EBF1: variants seen among roughly 807,000 people sequenced by gnomAD.
EBF1 encodes the protein EBF transcription factor 1, also known as transcription factor COE1.
A neutral mutation model predicts 68.4 loss-of-function variants in EBF1; 10 were observed. The observed-to-expected ratio is 0.15, with a 90% confidence interval of 0.09 to 0.25. EBF1 has a LOEUF of 0.25. Ranked by LOEUF, EBF1 falls within the 10% of genes least tolerant of loss-of-function variation. The probability of loss-of-function intolerance (pLI) is 1.00; values close to 1 mark genes in which losing one functional copy is unlikely to be tolerated. For missense variants in EBF1, 509 were observed against 794.4 expected, an observed-to-expected ratio of 0.64 and a Z score of 4.32; for synonymous variants, 298 against 299.8, an observed-to-expected ratio of 0.99 and a Z score of 0.06.
chr5:159,035,295 G>GAACATTGGTAAA (rs1769806430), intron 6 of EBF1, among the ~76,000 whole-genome samples: 1 of 151,848 alleles, frequency 6.6e-6, no homozygotes, highest in African/African-American at 2.4e-5. Flanking sequence ...CTGCTAAATG[G>GAACATTGGTAAA]AACATTGGTA....
chr5:159,073,688 G>C (rs889575814), intron 5 of EBF1: 2 of 534,590 alleles, frequency 3.7e-6, no homozygotes, highest in Non-Finnish European at 6.7e-6. Flanking sequence ...GGGGAGAGGG[G>C]CTCTCCCAGA....
intron 9 of EBF1, among the ~76,000 whole-genome samples, chr5:158,780,264 C>A (rs545423573): frequency 2.6e-5 from 4 of 152,264 alleles, no homozygotes; most frequent in African/African-American, 7.2e-5. Flanking sequence ...ATTGACCCAA[C>A]ATGCTAGAGG....
At chr5:158,879,660 T>C (rs1798466708) in intron 6 of EBF1, among the ~76,000 whole-genome samples, 1 of 152,134 alleles carries the variant, frequency 6.6e-6, no homozygotes, top group Non-Finnish European at 1.5e-5. Flanking sequence ...CATGTATACA[T>C]ATGTAAGAAA....
intron 8 of EBF1, among the ~76,000 whole-genome samples, chr5:158,806,831 T>TAC (rs1404062650): frequency 1.3e-5 from 2 of 152,290 alleles, no homozygotes; most frequent in Non-Finnish European, 1.5e-5. Context: ...CACACAACCC[T>TAC]ACTGTCTATC....
At chr5:159,002,182 A>G (rs1041965320) in intron 6 of EBF1, among the ~76,000 whole-genome samples, 4 of 142,854 alleles carry the variant, frequency 2.8e-5, no homozygotes, top group Admixed American at 2.1e-4. Context: ...TTCATTTTCC[A>G]TTTACTCTTC....
chr5:159,083,560 AC>A (rs1269306168), intron 5 of EBF1, among the ~76,000 whole-genome samples: 7 of 152,246 alleles, frequency 4.6e-5, no homozygotes, highest in Non-Finnish European at 5.9e-5. Flanking sequence ...TCCATACGTA[AC>A]TGTAGACATA....
At chr5:158,843,319 C>T (rs1790706544) in intron 6 of EBF1, among the ~76,000 whole-genome samples, 1 of 152,142 alleles carries the variant, frequency 6.6e-6, no homozygotes, top group Non-Finnish European at 1.5e-5. Context: ...CCATCTGGTG[C>T]CAAAATGAAT....
At position 158,748,686 on chromosome 5, in the gene EBF1, G is replaced by A. The variant is rs374233031; in HGVS notation, c.1037-17529C>T. On this transcript the variant is annotated intron_variant, in intron 10 of 15. Coordinates refer to ENST00000313708, the MANE Select transcript of EBF1 (RefSeq NM_024007.5). Reference sequence around the variant, plus strand: ...TGCTCATCTTCACAACCAAACGAGCGTTCTGGGACTGAGCAGTAAGAGCGT... The same window carrying A: ...TGCTCATCTTCACAACCAAACGAGCATTCTGGGACTGAGCAGTAAGAGCGT... 3.3e-4 allele frequency among the ~76,000 whole-genome samples: 51 copies of A among 152,268 alleles called. 1 individual carries two copies. The highest frequency in any genetic ancestry group is 1.1e-3 in the African/African-American group (44 of 41,562).
At chr5:158,826,738 T>C (rs1440913065) in intron 7 of EBF1, among the ~76,000 whole-genome samples, 1 of 152,204 alleles carries the variant, frequency 6.6e-6, no homozygotes, top group African/African-American at 2.4e-5. Context: ...GTTGAGAGTA[T>C]TCGTTATAAG....
At chr5:159,034,125 A>G (rs1769528338) in intron 6 of EBF1, among the ~76,000 whole-genome samples, 1 of 152,176 alleles carries the variant, frequency 6.6e-6, no homozygotes, top group Admixed American at 6.5e-5. Context: ...CTTCAAAGGG[A>G]TATTCAGCAT....
At chr5:158,850,311 T>G (rs562804844) in intron 6 of EBF1, among the ~76,000 whole-genome samples, 12 of 152,218 alleles carry the variant, frequency 7.9e-5, no homozygotes, top group Non-Finnish European at 1.6e-4. Context: ...TATCTATTTA[T>G]TCATTCAGTC....
Position 159,099,338 on chromosome 5 carries a change from T to C in EBF1, c.134+7A>G, listed in dbSNP as rs200773495. ...CACCTCGGCCGCGGTCCCCGCGCAG[T>C]ACCCACCTCTGCGCCGCCGTGTTGG... On this transcript the variant is annotated splice_region_variant and intron_variant, in intron 1 of 15. Coordinates refer to ENST00000313708, the MANE Select transcript of EBF1 (RefSeq NM_024007.5). The C allele has an allele frequency of 1.9e-6, 3 of 1,575,942 alleles. No homozygotes were observed. The highest frequency in any genetic ancestry group is 2.6e-6 in the Non-Finnish European group (3 of 1,163,878).
intron 6 of EBF1, among the ~76,000 whole-genome samples, chr5:158,840,673 G>GTTTTTTT (rs1554157163): frequency 1.0e-4 from 7 of 68,904 alleles, no homozygotes; most frequent in South Asian, 4.8e-4. Context: ...TTTTTTTTTT[G>GTTTTTTT]TTTTTTTTTT....
intron 8 of EBF1, among the ~76,000 whole-genome samples, chr5:158,816,064 A>G (rs1044776754): frequency 2.6e-5 from 4 of 152,184 alleles, no homozygotes; most frequent in African/African-American, 9.7e-5. Flanking sequence ...GATGACACCA[A>G]TATTTTTCTA....
intron 6 of EBF1, among the ~76,000 whole-genome samples, chr5:158,994,410 A>G (rs1299686954): frequency 6.6e-6 from 1 of 152,192 alleles, no homozygotes; most frequent in Non-Finnish European, 1.5e-5. Flanking sequence ...GGGCCTTTCA[A>G]CTTACAAAAT....
chr5:159,073,376 G>T lies in EBF1; in HGVS notation c.554+20C>A. On this transcript the variant is annotated intron_variant, in intron 6 of 15. Coordinates refer to ENST00000313708, the MANE Select transcript of EBF1 (RefSeq NM_024007.5). The stretch of plus-strand genomic sequence containing the variant: ...TTATAATGAGGAATAAGAATCCAGT[G>T]AAAGAAGAGTGGTCCCTACCTGTCA... 6.2e-7 allele frequency: 1 copy of T among 1,612,770 alleles called. No individual in the cohort carries two copies. Among genetic ancestry groups the T allele is most frequent in the South Asian group, 1.1e-5 (1 of 91,020 alleles).
At chr5:158,887,448 T>C (rs1270054563) in intron 6 of EBF1, among the ~76,000 whole-genome samples, 1 of 150,904 alleles carries the variant, frequency 6.6e-6, no homozygotes, top group African/African-American at 2.5e-5. Context: ...AACTGTAATG[T>C]TGTTGCAAAA....
At chr5:158,808,151 A>G (rs889840136) in intron 8 of EBF1, among the ~76,000 whole-genome samples, 1 of 152,134 alleles carries the variant, frequency 6.6e-6, no homozygotes, top group African/African-American at 2.4e-5. Context: ...GCACAGGAAT[A>G]TGTATCATTG....
In EBF1 at chr5:158,743,480, C is replaced by G. The variant is rs138540612; in HGVS notation, c.1037-12323G>C. On this transcript the variant is annotated intron_variant, in intron 10 of 15. Coordinates refer to ENST00000313708, the MANE Select transcript of EBF1 (RefSeq NM_024007.5). ...AGAGCAAGGAGTCATTTAAGATTTT[C>G]CAGATCGTAGGAGCAACACGATGTG... Among the ~76,000 whole-genome samples the G allele has an allele frequency of 4.6e-3, 700 of 152,246 alleles. 3 individuals carry two copies. The highest frequency in any genetic ancestry group is 0.016 in the African/African-American group (662 of 41,548).
Sources: gnomAD v4.1 joint callset for allele counts (sites outside exome capture counted in the v4.1 genomes callset) on GRCh38, gnomAD v4.1.1 for gene constraint, MANE v1.5 for transcripts, NCBI Gene and HGNC (gene_info 2026-07-23, HGNC 2026-07-21) for gene names.